ADGRL3: variants seen among roughly 807,000 people sequenced by gnomAD.
ADGRL3 encodes the protein adhesion G protein-coupled receptor L3.
Under a neutral mutation model 153.5 loss-of-function variants are expected in ADGRL3, and 62 were observed. The observed-to-expected ratio is 0.40, with a 90% CI of 0.33 to 0.50. ADGRL3 has a LOEUF of 0.50. Among genes scored for constraint, ADGRL3 ranks in the 20% least tolerant of loss-of-function variants. The pLI is 0.47. For synonymous variants in ADGRL3, 710 were observed against 672.5 expected, an observed-to-expected ratio of 1.06 and a Z score of -0.86; for missense variants, 1,641 against 1,859.4, an observed-to-expected ratio of 0.88 and a Z score of 2.16.
At chr4:62,029,995 C>CATGTAAT (rs1045633564) in intron 22 of ADGRL3, among the ~76,000 whole-genome samples, 3 of 151,388 alleles carry the variant, frequency 2.0e-5, no homozygotes, top group Non-Finnish European at 4.4e-5. Context: ...TATAAGCAAA[C>CATGTAAT]ATGTAATATG....
chr4:62,051,423 G>A (rs1013506810), intron 25 of ADGRL3, among the ~76,000 whole-genome samples: 1 of 151,130 alleles, frequency 6.6e-6, no homozygotes, highest in Admixed American at 6.6e-5. Flanking sequence ...CATTCAAGTG[G>A]CAAAATGAAA....
At chr4:61,853,133 C>T (rs757626095) in intron 9 of ADGRL3, among the ~76,000 whole-genome samples, 8 of 151,918 alleles carry the variant, frequency 5.3e-5, no homozygotes, top group Admixed American at 1.3e-4. Flanking sequence ...AGCCACTGCC[C>T]CTGGCTGAAA....
At chr4:61,350,914 G>T (rs747561858) in intron 1 of ADGRL3, among the ~76,000 whole-genome samples, 2 of 152,088 alleles carry the variant, frequency 1.3e-5, no homozygotes, top group African/African-American at 4.8e-5. Context: ...ACCTCTAAGT[G>T]TTGAAGTGAA....
chr4:61,303,784 A>G (rs2094669010), intron 1 of ADGRL3, among the ~76,000 whole-genome samples: 1 of 152,158 alleles, frequency 6.6e-6, no homozygotes, highest in Non-Finnish European at 1.5e-5. Flanking sequence ...CAGACTCTCT[A>G]GTACAGTTTG....
At chr4:61,910,728 A>G (rs1411450582) in intron 12 of ADGRL3, among the ~76,000 whole-genome samples, 2 of 151,650 alleles carry the variant, frequency 1.3e-5, no homozygotes, top group African/African-American at 2.4e-5. Context: ...CACTAAAAGA[A>G]CATTCTCCTT....
At chr4:61,480,524 G>A (rs566712069) in intron 2 of ADGRL3, among the ~76,000 whole-genome samples, 2 of 152,186 alleles carry the variant, frequency 1.3e-5, no homozygotes, top group South Asian at 4.1e-4. Context: ...GGTGGCTCAC[G>A]CCTATAATTC....
intron 1 of ADGRL3, among the ~76,000 whole-genome samples, chr4:61,361,829 G>A (rs2151504261): frequency 6.6e-6 from 1 of 151,828 alleles, no homozygotes; most frequent in Admixed American, 6.6e-5. Context: ...AGAGTTTTGT[G>A]TTTTTTAAAT....
At chr4:61,347,814 C>T (rs990435912) in intron 1 of ADGRL3, among the ~76,000 whole-genome samples, 1 of 152,066 alleles carries the variant, frequency 6.6e-6, no homozygotes, top group African/African-American at 2.4e-5. Flanking sequence ...ATTTACCTTA[C>T]CACAATAAAA....
At position 61,445,846 on chromosome 4, in the gene ADGRL3, A is replaced by G. The variant is rs1030326928; in HGVS notation, c.-173-51275A>G. ...ATTATAATGGAGCTGAAAAAATACT[A>G]TTGCCTAGTGACATCGTGATGTCAT... is the stretch of plus-strand genomic sequence containing the variant. On this transcript the variant is annotated intron_variant, in intron 2 of 26. Transcript: ENST00000683033. Among the ~76,000 whole-genome samples, 8 of 152,158 alleles carry G rather than the reference A, an allele frequency of 5.3e-5. No individual in the cohort carries two copies. In the East Asian group the frequency reaches 1.3e-3, roughly 26 times the overall value.
At chr4:61,830,515 C>T (rs1278034607) in intron 9 of ADGRL3, among the ~76,000 whole-genome samples, 2 of 152,146 alleles carry the variant, frequency 1.3e-5, no homozygotes, top group African/African-American at 2.4e-5. Flanking sequence ...TAGAGAAATC[C>T]TTAGACTCTC....
chr4:61,582,231 G>T (rs1170880961), intron 4 of ADGRL3, among the ~76,000 whole-genome samples: 5 of 151,852 alleles, frequency 3.3e-5, no homozygotes, highest in African/African-American at 1.2e-4. Flanking sequence ...GGACATGCAG[G>T]TCTGTTACAT....
intron 8 of ADGRL3, among the ~76,000 whole-genome samples, chr4:61,754,583 C>G (rs997091052): frequency 2.0e-5 from 3 of 151,308 alleles, no homozygotes; most frequent in Non-Finnish European, 4.4e-5. Context: ...TTCACCTTGC[C>G]CACTGCCTAG....
chr4:61,972,492 G>A (rs1282005579), intron 17 of ADGRL3, among the ~76,000 whole-genome samples: 14 of 152,146 alleles, frequency 9.2e-5, no homozygotes, highest in South Asian at 2.1e-4. Context: ...ATTTCTGAGG[G>A]CTCTGTTCTG....
At chr4:61,847,030 C>A (rs943962721) in intron 9 of ADGRL3, among the ~76,000 whole-genome samples, 13 of 151,070 alleles carry the variant, frequency 8.6e-5, no homozygotes, top group African/African-American at 2.9e-4. Context: ...ACCCAAACAA[C>A]TCCTCACTGG....
chr4:61,460,179 A>G (rs1176589505), intron 2 of ADGRL3, among the ~76,000 whole-genome samples: 1 of 151,608 alleles, frequency 6.6e-6, no homozygotes, highest in Non-Finnish European at 1.5e-5. Context: ...CATTTCCCCT[A>G]TGTTTTCATC....
intron 1 of ADGRL3, among the ~76,000 whole-genome samples, chr4:61,382,825 C>A (rs1384781617): frequency 1.3e-5 from 2 of 151,656 alleles, no homozygotes; most frequent in African/African-American, 4.8e-5. Flanking sequence ...TTGGAAATAG[C>A]AAAATTTATA....
At chr4:61,576,686 T>C (rs1019076614) in intron 4 of ADGRL3, among the ~76,000 whole-genome samples, 12 of 151,222 alleles carry the variant, frequency 7.9e-5, no homozygotes, top group African/African-American at 2.9e-4. Context: ...TTGATTTTTG[T>C]AAGCAGCATA....
intron 6 of ADGRL3, among the ~76,000 whole-genome samples, chr4:61,688,032 T>C (rs1211084974): frequency 6.6e-6 from 1 of 152,046 alleles, no homozygotes; most frequent in South Asian, 2.1e-4. Context: ...CATCATTCTG[T>C]CATCATCCGA....
intron 15 of ADGRL3, among the ~76,000 whole-genome samples, chr4:61,946,690 A>G (rs764625151): frequency 7.2e-5 from 11 of 152,194 alleles, no homozygotes; most frequent in Non-Finnish European, 1.6e-4. Flanking sequence ...AGTTTTGAGT[A>G]TGGAGTGAGA....
Sources: allele counts gnomAD v4.1 joint callset (sites outside exome capture counted in the v4.1 genomes callset), GRCh38; gene constraint gnomAD v4.1.1; transcripts MANE v1.5; gene names NCBI Gene and HGNC (gene_info 2026-07-23, HGNC 2026-07-21).